Variants in CSMD2 observed in about 807,000 individuals in gnomAD.
CSMD2 encodes the protein CUB and Sushi multiple domains 2.
In CSMD2, 130 loss-of-function variants were observed where a neutral mutation model predicts 398.5. That is an observed-to-expected ratio of 0.33 (90% CI 0.28 to 0.38). The LOEUF (loss-of-function observed/expected upper bound fraction) is 0.38, where lower values mean the gene tolerates loss of function less well. Ranked by LOEUF, CSMD2 falls within the 10% of genes least tolerant of loss-of-function variation. The pLI, the probability that CSMD2 is intolerant of heterozygous loss-of-function variation, is 1.00. For missense variants in CSMD2, 3,829 were observed against 4,764.9 expected (o/e 0.80, Z 5.78); for synonymous variants, 1,828 against 1,908.5 (o/e 0.96, Z 1.10).
chr1:33,541,718 C>T (rs1368277078), intron 58 of CSMD2, among the ~76,000 whole-genome samples: 1 of 152,196 alleles, frequency 6.6e-6, no homozygotes, highest in Non-Finnish European at 1.5e-5. Context: ...GCAACTTGGG[C>T]TATGAAGATT....
chr1:33,754,084 A>G (rs1648648574), intron 13 of CSMD2, among the ~76,000 whole-genome samples: 1 of 152,178 alleles, frequency 6.6e-6, no homozygotes, highest in Non-Finnish European at 1.5e-5. Context: ...GGATAATTGT[A>G]TTTTACAATG....
intron 32 of CSMD2, among the ~76,000 whole-genome samples, chr1:33,630,077 CCTTCCTTCCTTCCTTG>C (rs1295082854): frequency 1.3e-5 from 2 of 151,688 alleles, no homozygotes; most frequent in African/African-American, 4.8e-5. Flanking sequence ...TTCCTTCCTT[CCTTCCTTCCTTCCTTG>C]CTTCCTTCCT....
intron 3 of CSMD2, among the ~76,000 whole-genome samples, chr1:33,979,406 C>T (rs1646086279): frequency 6.6e-6 from 1 of 152,146 alleles, no homozygotes; most frequent in African/African-American, 2.4e-5. Flanking sequence ...TTTCGGCTAC[C>T]ATCCAAAGCG....
At chr1:33,759,927 T>A (rs549488995) in intron 13 of CSMD2, among the ~76,000 whole-genome samples, 1 of 152,328 alleles carries the variant, frequency 6.6e-6, no homozygotes, top group South Asian at 2.1e-4. Context: ...CAGCTATTCA[T>A]GAAACTAGCT....
At chr1:33,886,409 G>A (rs1420823150) in intron 5 of CSMD2, among the ~76,000 whole-genome samples, 1 of 152,184 alleles carries the variant, frequency 6.6e-6, no homozygotes, top group Non-Finnish European at 1.5e-5. Context: ...AGATACTTAG[G>A]AGGCAGAACT....
intron 6 of CSMD2, among the ~76,000 whole-genome samples, chr1:33,845,868 C>T (rs1417357700): frequency 6.6e-6 from 1 of 152,260 alleles, no homozygotes; most frequent in Non-Finnish European, 1.5e-5. Context: ...GGGGGCACTA[C>T]TCTGCCCTAT....
intron 48 of CSMD2, among the ~76,000 whole-genome samples, chr1:33,579,100 T>C (rs1277545527): frequency 6.6e-6 from 1 of 152,192 alleles, no homozygotes; most frequent in African/African-American, 2.4e-5. Flanking sequence ...GGCATATGTA[T>C]TGTAATTACA....
At chr1:33,905,453 T>C (rs1469406052) in intron 5 of CSMD2, among the ~76,000 whole-genome samples, 1 of 152,122 alleles carries the variant, frequency 6.6e-6, no homozygotes, top group Non-Finnish European at 1.5e-5. Context: ...CTGAGTCAGA[T>C]GAAGATGGAG....
intron 59 of CSMD2, 92 bp from the exon 60 acceptor site, chr1:33,540,790 C>T (rs2148593718): frequency 7.1e-7 from 1 of 1,415,794 alleles, no homozygotes; most frequent in Admixed American, 1.9e-5. Context: ...ACCCTGCACC[C>T]ACCTAGAGCC....
chr1:33,523,872 T>C (rs1654536293), intron 66 of CSMD2, among the ~76,000 whole-genome samples: 1 of 152,174 alleles, frequency 6.6e-6, no homozygotes, highest in African/African-American at 2.4e-5. Flanking sequence ...GTAGATAGGA[T>C]TTTATGTGGG....
At chr1:33,551,620 T>A (rs934683771) in intron 55 of CSMD2, among the ~76,000 whole-genome samples, 1 of 152,232 alleles carries the variant, frequency 6.6e-6, no homozygotes, top group Non-Finnish European at 1.5e-5. Context: ...GTCTTAGGTA[T>A]CTTCACTTCT....
intron 44 of CSMD2, among the ~76,000 whole-genome samples, chr1:33,596,621 A>G (rs1639856421): frequency 6.6e-6 from 1 of 152,192 alleles, no homozygotes; most frequent in Non-Finnish European, 1.5e-5. Context: ...TGGCAGCAAG[A>G]AGGAGAAGAA....
chr1:33,658,856 C>A (rs1344860861), intron 26 of CSMD2, among the ~76,000 whole-genome samples: 1 of 152,170 alleles, frequency 6.6e-6, no homozygotes, highest in African/African-American at 2.4e-5. Context: ...AGAGTAAGAG[C>A]TCATCTCTAA....
At chr1:34,071,053 G>T (rs56094621) in intron 2 of CSMD2, among the ~76,000 whole-genome samples, 15,714 of 152,218 alleles carry the variant, frequency 0.1, 1,075 homozygotes, top group Middle Eastern at 0.16. Flanking sequence ...GGAGTCAATT[G>T]TTCACGCTTC....
intron 58 of CSMD2, among the ~76,000 whole-genome samples, chr1:33,542,416 C>T (rs1452489661): frequency 2.0e-5 from 3 of 152,244 alleles, no homozygotes; most frequent in African/African-American, 4.8e-5. Context: ...AAATGGCCAA[C>T]ATATATTCTC....
At chr1:34,162,999 G>T (rs781461772) in intron 1 of CSMD2, among the ~76,000 whole-genome samples, 14 of 152,240 alleles carry the variant, frequency 9.2e-5, no homozygotes, top group Admixed American at 6.5e-5. Flanking sequence ...ACTGAGCAAG[G>T]AGCTGCGAGC....
At chr1:34,015,164 A>G (rs758615734) in intron 3 of CSMD2, among the ~76,000 whole-genome samples, 5 of 152,240 alleles carry the variant, frequency 3.3e-5, no homozygotes, top group Non-Finnish European at 7.3e-5. Flanking sequence ...ACCCAGGTGC[A>G]TGTACCCACA....
At position 33,724,317 on chromosome 1, in the gene CSMD2, C is replaced by T. The variant is rs519370; in HGVS notation, c.2885-4G>A. ...TGAATGAAGCCACCACAGAGAGCTA[C>T]AGAAGGAGTGAAGAGGGCAGTGAAA... On this transcript the variant is annotated splice_region_variant and splice_polypyrimidine_tract_variant and intron_variant, in intron 18 of 70. Transcript: ENST00000373381. 1,085,061 of 1,607,708 alleles carry T rather than the reference C, an allele frequency of 0.67. 370,428 individuals are homozygous for T. The highest frequency in any genetic ancestry group is 1 in the East Asian group (44,716 of 44,840).
chr1:34,086,956 G>A (rs970437095), intron 2 of CSMD2, among the ~76,000 whole-genome samples: 4 of 151,714 alleles, frequency 2.6e-5, no homozygotes, highest in African/African-American at 9.7e-5. Flanking sequence ...CTGACCTCCT[G>A]CATACCCTCC....
Sources: gnomAD v4.1 joint callset for allele counts (sites outside exome capture counted in the v4.1 genomes callset) on GRCh38, gnomAD v4.1.1 for gene constraint, MANE v1.5 for transcripts, NCBI Gene and HGNC (gene_info 2026-07-23, HGNC 2026-07-21) for gene names.